The following CREB5 variants were observed in gnomAD, a reference collection of about 807,000 sequenced individuals.
The protein encoded by CREB5 is cAMP responsive element binding protein 5.
CREB5 carries 19 observed loss-of-function variants against 57.1 expected under a neutral mutation model. The observed-to-expected ratio is 0.33, with a 90% CI of 0.23 to 0.49. The LOEUF (loss-of-function observed/expected upper bound fraction) is 0.49, where lower values mean the gene tolerates loss of function less well. Among genes scored for constraint, CREB5 ranks in the 20% least tolerant of loss-of-function variants. The pLI is 0.99. For synonymous variants in CREB5, 238 were observed against 238.3 expected, an observed-to-expected ratio of 1.00 and a Z score of 0.01; for missense variants, 579 against 671.6, an observed-to-expected ratio of 0.86 and a Z score of 1.52.
At chr7:28,806,895 T>G (rs1808759644) in intron 8 of CREB5, among the ~76,000 whole-genome samples, 1 of 152,176 alleles carries the variant, frequency 6.6e-6, no homozygotes, top group African/African-American at 2.4e-5. Context: ...GGGCTGGCAA[T>G]AAGAGATTAT....
chr7:28,415,332 G>A (rs1787983570), intron 1 of CREB5, among the ~76,000 whole-genome samples: 1 of 152,306 alleles, frequency 6.6e-6, no homozygotes, highest in Non-Finnish European at 1.5e-5. Context: ...CCCAGAGCTA[G>A]AGAGAGCCAA....
At chr7:28,517,526 T>C (rs1793023264) in intron 4 of CREB5, among the ~76,000 whole-genome samples, 1 of 152,146 alleles carries the variant, frequency 6.6e-6, no homozygotes, top group Non-Finnish European at 1.5e-5. Flanking sequence ...CCCACCAAAG[T>C]CCAAAGACTT....
intron 4 of CREB5, among the ~76,000 whole-genome samples, chr7:28,559,505 G>C: frequency 6.6e-6 from 1 of 152,042 alleles, no homozygotes; most frequent in East Asian, 1.9e-4. Flanking sequence ...AGTAGAGACG[G>C]GATTTCACCA....
chr7:28,560,881 T>TGCGC (rs1388491335), intron 4 of CREB5, among the ~76,000 whole-genome samples: 563 of 46,196 alleles, frequency 0.012, 48 homozygotes, highest in East Asian at 0.066. Flanking sequence ...TGCGCGTGCG[T>TGCGC]GCGTGCGTGT....
At chr7:28,568,896 G>A (rs758734979) in intron 4 of CREB5, among the ~76,000 whole-genome samples, 21 of 152,162 alleles carry the variant, frequency 1.4e-4, no homozygotes, top group Non-Finnish European at 2.1e-4. Flanking sequence ...AACTTCAAAG[G>A]ACCACTTCTA....
chr7:28,631,589 T>A (rs1798207039), intron 5 of CREB5, among the ~76,000 whole-genome samples: 1 of 152,178 alleles, frequency 6.6e-6, no homozygotes, highest in African/African-American at 2.4e-5. Flanking sequence ...AGTCTCCCTC[T>A]GTTCCTCTAT....
intron 5 of CREB5, among the ~76,000 whole-genome samples, chr7:28,602,060 G>A (rs181458417): frequency 6.6e-6 from 1 of 152,178 alleles, no homozygotes. Flanking sequence ...CTGCATAAGG[G>A]CAATCTTTTT....
At chr7:28,755,942 T>A (rs1032751556) in intron 7 of CREB5, among the ~76,000 whole-genome samples, 6 of 151,972 alleles carry the variant, frequency 3.9e-5, no homozygotes, top group Admixed American at 3.9e-4. Flanking sequence ...CTGGGTTCCA[T>A]GATAGTCCCG....
At chr7:28,408,411 G>T (rs1331843706), upstream of CREB5, among the ~76,000 whole-genome samples, 1 of 152,228 alleles carries the variant, frequency 6.6e-6, no homozygotes, top group Non-Finnish European at 1.5e-5. Context: ...AAATTCAGCA[G>T]GGGGATGGTG....
intron 4 of CREB5, among the ~76,000 whole-genome samples, chr7:28,528,271 C>T (rs544534540): frequency 3.9e-5 from 6 of 152,254 alleles, no homozygotes; most frequent in Non-Finnish European, 8.8e-5. Flanking sequence ...ATCACTGAGT[C>T]GGCATTAATT....
intron 1 of CREB5, among the ~76,000 whole-genome samples, chr7:28,393,196 G>A (rs977541031): frequency 2.6e-5 from 4 of 152,116 alleles, no homozygotes; most frequent in Admixed American, 2.6e-4. Flanking sequence ...CAAAGTGCTG[G>A]GATTTATAGG....
chr7:28,435,891 AG>A (rs2128557937), intron 1 of CREB5, among the ~76,000 whole-genome samples: 1 of 152,254 alleles, frequency 6.6e-6, no homozygotes, highest in African/African-American at 2.4e-5. Flanking sequence ...GAAACCAGAA[AG>A]GGGTGAGTAA....
intron 1 of CREB5, among the ~76,000 whole-genome samples, chr7:28,402,765 C>A (rs989316522): frequency 6.6e-6 from 1 of 152,154 alleles, no homozygotes; most frequent in African/African-American, 2.4e-5. Context: ...TAGGCATGGG[C>A]AAGGACTTCA....
chr7:28,785,373 G>T (rs1224495132), intron 7 of CREB5, among the ~76,000 whole-genome samples: 3 of 152,238 alleles, frequency 2.0e-5, no homozygotes, highest in African/African-American at 7.2e-5. Flanking sequence ...TTGCGTGAAT[G>T]CAGGGTTCTC....
intron 1 of CREB5, among the ~76,000 whole-genome samples, chr7:28,466,092 C>A (rs1790551881): frequency 6.6e-6 from 1 of 151,840 alleles, no homozygotes. Context: ...ATAATAACAC[C>A]TTCATTTAGA....
Position 28,507,681 on chromosome 7 carries a change from G to A in CREB5, c.235G>A (p.Asp79Asn), listed in dbSNP as rs2128606832. Residue 79 changes from aspartate (D) to asparagine (N), a missense_variant, in exon 4 of 11, where the codon GAC becomes AAC. Physicochemically the swap from Asp to Asn is conservative, Grantham distance 23 (BLOSUM62 1). Transcript: ENST00000357727. ...GGAGGTGGGCCTCTTCAGCGAGCTGGACTGCTCCCTGGAGCACGAGTTCAG... is the reference window on the plus strand; with the variant it reads ...GGAGGTGGGCCTCTTCAGCGAGCTGAACTGCTCCCTGGAGCACGAGTTCAG... Reference protein sequence around the residue: ...CEEVGLFSELDCSLEHEFRKA... With the variant: ...CEEVGLFSELNCSLEHEFRKA... 1 of 1,612,660 alleles carries A rather than the reference G, an allele frequency of 6.2e-7. No homozygotes were observed. The highest frequency in any genetic ancestry group is 2.2e-5 in the East Asian group (1 of 44,834).
At chr7:28,492,361 C>G (rs1791843824) in intron 2 of CREB5, among the ~76,000 whole-genome samples, 1 of 152,210 alleles carries the variant, frequency 6.6e-6, no homozygotes, top group African/African-American at 2.4e-5. Flanking sequence ...AAGAGTTTCT[C>G]TTGCCCTTTG....
At chr7:28,374,707 G>A (rs963466894) in intron 1 of CREB5, among the ~76,000 whole-genome samples, 6 of 152,102 alleles carry the variant, frequency 3.9e-5, no homozygotes, top group Admixed American at 6.6e-5. Flanking sequence ...GTGGGTGTTC[G>A]CTGTTTGAAA....
At chr7:28,387,099 G>A (rs1787123577) in intron 1 of CREB5, among the ~76,000 whole-genome samples, 1 of 152,146 alleles carries the variant, frequency 6.6e-6, no homozygotes, top group African/African-American at 2.4e-5. Context: ...ACACAGTAAT[G>A]GGATTGCTGG....
Sources: allele counts gnomAD v4.1 joint callset (sites outside exome capture counted in the v4.1 genomes callset), GRCh38; gene constraint gnomAD v4.1.1; transcripts MANE v1.5; gene names NCBI Gene and HGNC (gene_info 2026-07-23, HGNC 2026-07-21).